The following ACACA variants were observed in gnomAD, a reference collection of about 807,000 sequenced individuals.
ACACA encodes the protein acetyl-CoA carboxylase alpha.
In ACACA, 103 loss-of-function variants were observed where a neutral mutation model predicts 296.1. The observed-to-expected ratio is 0.35, with a 90% CI of 0.30 to 0.41. The LOEUF (loss-of-function observed/expected upper bound fraction) is 0.41, where lower values mean the gene tolerates loss of function less well. Ranked by LOEUF, ACACA falls within the 10% of genes least tolerant of loss-of-function variation. ACACA has a pLI of 1.00. For synonymous variants in ACACA, 953 were observed against 1,038.6 expected (o/e 0.92, Z 1.58); for missense variants, 1,554 against 2,989.7 (o/e 0.52, Z 11.20).
At chr17:37,214,624 A>T (rs544985591) in intron 29 of ACACA, among the ~76,000 whole-genome samples, 1 of 152,308 alleles carries the variant, frequency 6.6e-6, no homozygotes, top group East Asian at 1.9e-4. Flanking sequence ...TTTTAAACTC[A>T]ACTCTCCAAT....
intron 30 of ACACA, among the ~76,000 whole-genome samples, chr17:37,209,674 T>C (rs2078661678): frequency 6.6e-6 from 1 of 152,178 alleles, no homozygotes; most frequent in African/African-American, 2.4e-5. Flanking sequence ...AGGGACAAAA[T>C]AAATGTAAAT....
chr17:37,155,056 T>C (rs2076185177), intron 43 of ACACA, among the ~76,000 whole-genome samples: 1 of 152,184 alleles, frequency 6.6e-6, no homozygotes, highest in Admixed American at 6.5e-5. Flanking sequence ...CTTTTCGACC[T>C]GCAATTTCTC....
chr17:37,299,079 T>C (rs2083490190), intron 3 of ACACA, among the ~76,000 whole-genome samples: 2 of 152,090 alleles, frequency 1.3e-5, no homozygotes, highest in Non-Finnish European at 2.9e-5. Context: ...GGATCTTTTA[T>C]TCAAATTCCC....
At chr17:37,138,222 T>A (rs971431682) in intron 45 of ACACA, among the ~76,000 whole-genome samples, 1 of 152,220 alleles carries the variant, frequency 6.6e-6, no homozygotes, top group African/African-American at 2.4e-5. Flanking sequence ...CCAATCTGAA[T>A]GAGAAGGGAC....
intron 3 of ACACA, among the ~76,000 whole-genome samples, chr17:37,327,762 G>A (rs909217036): frequency 6.6e-6 from 1 of 152,182 alleles, no homozygotes; most frequent in Non-Finnish European, 1.5e-5. Flanking sequence ...AGTTAAACCA[G>A]TCTTTCTCAA....
chr17:37,265,294 A>G (rs913663563), intron 10 of ACACA, among the ~76,000 whole-genome samples: 1 of 152,168 alleles, frequency 6.6e-6, no homozygotes, highest in Non-Finnish European at 1.5e-5. Context: ...TATTGTCGCC[A>G]TCTCTTGCAA....
chr17:37,269,059 A>C (rs2081951693), intron 10 of ACACA, among the ~76,000 whole-genome samples: 3 of 151,466 alleles, frequency 2.0e-5, no homozygotes, highest in South Asian at 2.1e-4. Context: ...AAAAAAAAAA[A>C]AAAACCCAAG....
chr17:37,171,759 CA>C (rs2076891771), intron 41 of ACACA, among the ~76,000 whole-genome samples: 1 of 152,150 alleles, frequency 6.6e-6, no homozygotes, highest in Non-Finnish European at 1.5e-5. Context: ...CAATTTTGAA[CA>C]GGGAAATTAT....
intron 39 of ACACA, among the ~76,000 whole-genome samples, chr17:37,184,848 CA>C (rs35132757): frequency 0.5 from 53,725 of 108,258 alleles, 10,613 homozygotes; most frequent in East Asian, 0.72. Flanking sequence ...GACCCTGTCT[CA>C]AAAAAAAAAA....
At chr17:37,298,947 A>G (rs2083481621) in intron 3 of ACACA, among the ~76,000 whole-genome samples, 3 of 152,218 alleles carry the variant, frequency 2.0e-5, no homozygotes, top group African/African-American at 7.2e-5. Context: ...CACTGGAAAT[A>G]CTAGCCAAAT....
intron 9 of ACACA, among the ~76,000 whole-genome samples, chr17:37,272,439 A>G (rs1287232400): frequency 6.6e-6 from 1 of 152,222 alleles, no homozygotes; most frequent in Non-Finnish European, 1.5e-5. Context: ...TCTTTTATGC[A>G]CAGTCTCACC....
intron 41 of ACACA, among the ~76,000 whole-genome samples, chr17:37,173,972 C>T (rs2076971502): frequency 3.1e-5 from 3 of 97,514 alleles, no homozygotes; most frequent in Admixed American, 2.4e-4. Context: ...TGCCAACACG[C>T]CTGGCTAATT....
chr17:37,186,669 G>A (rs1044752974), intron 39 of ACACA, among the ~76,000 whole-genome samples: 2 of 152,186 alleles, frequency 1.3e-5, no homozygotes, highest in Non-Finnish European at 2.9e-5. Flanking sequence ...TGAAGAGTCT[G>A]TAGAAGACCT....
At chr17:37,326,400 G>T (rs529602603) in intron 3 of ACACA, among the ~76,000 whole-genome samples, 7 of 149,866 alleles carry the variant, frequency 4.7e-5, no homozygotes, top group African/African-American at 1.7e-4. Context: ...GCGTGGTGGC[G>T]TATGCCTGTA....
At chr17:37,105,937 A>G (rs1268143441) in intron 52 of ACACA, among the ~76,000 whole-genome samples, 2 of 152,098 alleles carry the variant, frequency 1.3e-5, no homozygotes, top group Non-Finnish European at 2.9e-5. Context: ...GATGCTAGAG[A>G]TAAGAACAAG....
intron 1 of ACACA, among the ~76,000 whole-genome samples, chr17:37,361,570 A>T (rs1166950654): frequency 1.3e-5 from 2 of 152,228 alleles, no homozygotes; most frequent in East Asian, 3.8e-4. Flanking sequence ...TACGATACCA[A>T]GGTCACTTAC....
chr17:37,228,243 T>A (rs2079649591), intron 25 of ACACA, among the ~76,000 whole-genome samples: 1 of 129,326 alleles, frequency 7.7e-6, no homozygotes, highest in African/African-American at 3.0e-5. Context: ...GAAAATGATA[T>A]AATGAGATTC....
chr17:37,102,053 C>A (rs2073391232), intron 52 of ACACA, among the ~76,000 whole-genome samples: 1 of 152,200 alleles, frequency 6.6e-6, no homozygotes, highest in African/African-American at 2.4e-5. Context: ...CTGAATACTT[C>A]AACGTTACTG....
Position 37,122,612 on chromosome 17 carries a change from A to T in ACACA, c.6057T>A (p.Pro2019=). The T allele has an allele frequency of 6.2e-7, 1 of 1,614,162 alleles. No individual in the cohort carries two copies. Among genetic ancestry groups the T allele is most frequent in the Admixed American group, 1.7e-5 (1 of 60,024 alleles). Residue 2019 remains proline, a synonymous_variant, in exon 49 of 56, where the codon CCT becomes CCA. Coordinates refer to ENST00000616317, the MANE Select transcript of ACACA (RefSeq NM_198834.3). ...VVGRARLGGI[P]VGVVAVETRT... ...GGGTTTCTACAGCAACAACTCCCACAGGTATTCCTCCTAGCCTGATAAAAC... is the reference window on the plus strand; with the variant it reads ...GGGTTTCTACAGCAACAACTCCCACTGGTATTCCTCCTAGCCTGATAAAAC...
Sources: gnomAD v4.1 joint callset for allele counts (sites outside exome capture counted in the v4.1 genomes callset) on GRCh38, gnomAD v4.1.1 for gene constraint, MANE v1.5 for transcripts, NCBI Gene and HGNC (gene_info 2026-07-23, HGNC 2026-07-21) for gene names.